The following SLIT3 variants were observed in gnomAD, a reference collection of about 807,000 sequenced individuals.
The protein encoded by SLIT3 is slit homolog 3 protein.
Under a neutral mutation model 184.0 loss-of-function variants are expected in SLIT3, and 68 were observed. That is an observed-to-expected ratio of 0.37 (90% CI 0.30 to 0.45). SLIT3 has a LOEUF of 0.45. Among genes scored for constraint, SLIT3 ranks in the 20% least tolerant of loss-of-function variants. SLIT3 has a pLI of 1.00. For missense variants in SLIT3, 1,707 were observed against 2,026.0 expected (o/e 0.84, Z 3.02); for synonymous variants, 831 against 828.6 (o/e 1.00, Z -0.05).
intron 5 of SLIT3, among the ~76,000 whole-genome samples, chr5:168,855,629 A>G (rs1758835215): frequency 6.6e-6 from 1 of 152,242 alleles, no homozygotes; most frequent in African/African-American, 2.4e-5. Flanking sequence ...ATAAAAGGTC[A>G]ACTATTGTGT....
At chr5:168,937,386 C>T (rs1186792159) in intron 4 of SLIT3, among the ~76,000 whole-genome samples, 5 of 152,034 alleles carry the variant, frequency 3.3e-5, no homozygotes, top group African/African-American at 9.7e-5. Flanking sequence ...ATGAATTGAA[C>T]GAAGAGAAGA....
chr5:169,044,802 A>G lies in SLIT3; in HGVS notation c.413+148677T>C, dbSNP rs763514943. On this transcript the variant is annotated intron_variant, in intron 4 of 35. Transcript: ENST00000519560. ...AAGGGCCAGGGTTGCTAGAAAGAGA[A>G]TGTCTCTAAACAGTGGGGCTTCCCC... 3.9e-5 allele frequency among the ~76,000 whole-genome samples: 6 copies of G among 152,222 alleles called. 1 individual carries two copies. Among genetic ancestry groups the G allele is most frequent in the South Asian group, 4.1e-4 (2 of 4,830 alleles).
chr5:168,838,642 C>T (rs1758136557), intron 6 of SLIT3, among the ~76,000 whole-genome samples: 1 of 152,168 alleles, frequency 6.6e-6, no homozygotes, highest in African/African-American at 2.4e-5. Flanking sequence ...AATATCCTAA[C>T]ACCCTGTACC....
At chr5:169,158,738 A>T (rs1762385239) in intron 4 of SLIT3, among the ~76,000 whole-genome samples, 1 of 152,186 alleles carries the variant, frequency 6.6e-6, no homozygotes, top group African/African-American at 2.4e-5. Context: ...TTAACTAGTA[A>T]ATTGTCAACA....
intron 27 of SLIT3, among the ~76,000 whole-genome samples, chr5:168,697,365 A>G (rs544246340): frequency 7.9e-5 from 12 of 152,330 alleles, no homozygotes; most frequent in African/African-American, 2.9e-4. Context: ...GATCTTGGTC[A>G]TATCCCCAGG....
intron 5 of SLIT3, among the ~76,000 whole-genome samples, chr5:168,851,951 C>T (rs903255612): frequency 6.6e-6 from 1 of 152,220 alleles, no homozygotes; most frequent in Admixed American, 6.5e-5. Context: ...AAGCCCATGA[C>T]AAGGCCAGGG....
At chr5:169,185,095 A>G (rs2113451163) in intron 4 of SLIT3, among the ~76,000 whole-genome samples, 1 of 152,322 alleles carries the variant, frequency 6.6e-6, no homozygotes, top group Non-Finnish European at 1.5e-5. Flanking sequence ...TACTACAGAG[A>G]GAATGACACA....
chr5:168,794,761 C>T (rs1756506689), intron 10 of SLIT3, among the ~76,000 whole-genome samples: 1 of 152,166 alleles, frequency 6.6e-6, no homozygotes, highest in Non-Finnish European at 1.5e-5. Flanking sequence ...CTCACTTGTT[C>T]CACTCTTTGC....
At chr5:168,888,447 C>T (rs10059126) in intron 4 of SLIT3, among the ~76,000 whole-genome samples, 130,370 of 152,276 alleles carry the variant, frequency 0.86, 57,823 homozygotes, top group Non-Finnish European at 0.96. Context: ...CCAGTAGCAA[C>T]AGAAGGAACC....
chr5:168,744,403 T>C (rs1763734293), intron 20 of SLIT3, among the ~76,000 whole-genome samples: 1 of 152,210 alleles, frequency 6.6e-6, no homozygotes, highest in East Asian at 1.9e-4. Flanking sequence ...CTAGCTAAGA[T>C]AATTGATGAA....
At chr5:169,196,972 C>A (rs73317654) in intron 3 of SLIT3, among the ~76,000 whole-genome samples, 5,951 of 152,170 alleles carry the variant, frequency 0.039, 417 homozygotes, top group African/African-American at 0.14. Context: ...ATTCAGAGAA[C>A]CAACACTCCA....
rs573498397 is a variant in SLIT3 at position 168,765,819 on chromosome 5, T to C, written c.1460-3130A>G. On this transcript the variant is annotated intron_variant, in intron 14 of 35. Coordinates refer to ENST00000519560, the MANE Select transcript of SLIT3 (RefSeq NM_003062.4). The stretch of plus-strand genomic sequence containing the variant: ...GAAACCAGCCTTGGAAGAGCTGATG[T>C]CATCTGGCATCTTGCCTGCTCCTGC... 5.9e-5 allele frequency among the ~76,000 whole-genome samples: 9 copies of C among 152,264 alleles called. No individual in the cohort carries two copies. In the South Asian group the frequency reaches 1.7e-3, roughly 28 times the overall value.
At chr5:169,045,940 T>C (rs1472183087) in intron 4 of SLIT3, among the ~76,000 whole-genome samples, 1 of 152,204 alleles carries the variant, frequency 6.6e-6, no homozygotes, top group Non-Finnish European at 1.5e-5. Context: ...CATTGCTATA[T>C]CTCTAGGGAT....
intron 3 of SLIT3, among the ~76,000 whole-genome samples, chr5:169,225,349 G>A (rs565441789): frequency 1.3e-5 from 2 of 152,354 alleles, no homozygotes; most frequent in East Asian, 3.9e-4. Flanking sequence ...GAGATGTAAG[G>A]ACAATGGCAG....
chr5:168,798,086 T>C lies in SLIT3; in HGVS notation c.936-2508A>G, dbSNP rs1213491736. ...ATACACATAAGACATATAAATGGAG[T>C]ACAAAGGTGTGGCTTCCAAACGAAG... is the stretch of plus-strand genomic sequence containing the variant. On this transcript the variant is annotated intron_variant, in intron 9 of 35. Coordinates refer to ENST00000519560, the MANE Select transcript of SLIT3 (RefSeq NM_003062.4). 3.3e-5 allele frequency among the ~76,000 whole-genome samples: 5 copies of C among 152,174 alleles called. No individual in the cohort carries two copies. The East Asian group carries it at 7.7e-4, about 24-fold the overall frequency.
At chr5:169,232,331 T>A (rs965757014) in intron 3 of SLIT3, among the ~76,000 whole-genome samples, 7 of 152,112 alleles carry the variant, frequency 4.6e-5, no homozygotes, top group Non-Finnish European at 1.0e-4. Flanking sequence ...TTCAAGCGAT[T>A]CTCCTGCCTC....
chr5:169,151,433 G>A (rs922194255), intron 4 of SLIT3, among the ~76,000 whole-genome samples: 6 of 152,146 alleles, frequency 3.9e-5, no homozygotes, highest in Non-Finnish European at 5.9e-5. Flanking sequence ...ACTCCAAAGA[G>A]CTCACTCACT....
rs960009056 is a variant in SLIT3, at chr5:169,167,928, C to T, written c.413+25551G>A. 1.6e-4 allele frequency among the ~76,000 whole-genome samples: 24 copies of T among 152,208 alleles called. 1 individual carries two copies. Among genetic ancestry groups the T allele is most frequent in the African/African-American group, 5.8e-4 (24 of 41,454 alleles). On this transcript the variant is annotated intron_variant, in intron 4 of 35. Transcript: ENST00000519560. ...TCCATAATTTGCCCCAGTTTGCCCC[C>T]GTTTCCCCTTACTCCTCCTGAAGGA...
At chr5:168,767,436 G>C (rs1561921485) in intron 14 of SLIT3, among the ~76,000 whole-genome samples, 2 of 152,126 alleles carry the variant, frequency 1.3e-5, no homozygotes, top group Non-Finnish European at 2.9e-5. Context: ...TATTATCAGA[G>C]ATAGCAGGTT....
Sources: gnomAD v4.1 joint callset for allele counts (sites outside exome capture counted in the v4.1 genomes callset) on GRCh38, gnomAD v4.1.1 for gene constraint, MANE v1.5 for transcripts, NCBI Gene and HGNC (gene_info 2026-07-23, HGNC 2026-07-21) for gene names.